FRMPD2: variants seen among roughly 807,000 people sequenced by gnomAD.
The protein encoded by FRMPD2 is FERM and PDZ domain-containing protein 2.
FRMPD2 carries 96 observed loss-of-function variants against 140.1 expected under a neutral mutation model. The observed-to-expected ratio is 0.69, with a 90% confidence interval of 0.58 to 0.81. The LOEUF (loss-of-function observed/expected upper bound fraction) is 0.81. FRMPD2 is among the 40% of genes least tolerant of loss of function. The pLI is 0.00. For synonymous variants in FRMPD2, 449 were observed against 547.6 expected, an observed-to-expected ratio of 0.82 and a Z score of 2.52; for missense variants, 1,240 against 1,447.4, an observed-to-expected ratio of 0.86 and a Z score of 2.32.
intron 3 of FRMPD2, among the ~76,000 whole-genome samples, chr10:48,246,062 C>T (rs1840241348): frequency 6.6e-6 from 1 of 152,162 alleles, no homozygotes; most frequent in African/African-American, 2.4e-5. Flanking sequence ...GATGAACGTG[C>T]ATAGATACCA....
Position 48,168,594 on chromosome 10 carries a change from C to T in FRMPD2, c.3537+1G>A, listed in dbSNP as rs202142204. ...AGAGAGTAGAAGACACTGCAGCCTACCTGCCATTCCTGCTCCAGCTCAGGC... is the reference window on the plus strand; with the variant it reads ...AGAGAGTAGAAGACACTGCAGCCTATCTGCCATTCCTGCTCCAGCTCAGGC... On this transcript the variant is annotated splice_donor_variant, in intron 27 of 28. Transcript: ENST00000374201. LOFTEE classifies it high-confidence loss of function. 3.8e-5 allele frequency: 41 copies of T among 1,086,348 alleles called. 15 individuals are homozygous for T. The highest frequency in any genetic ancestry group is 1.0e-4 in the Admixed American group (5 of 48,900). The allele number at this position is 1,086,348 out of a possible 1,614,324, so 67.3% of individuals were successfully genotyped here. A position where few individuals can be genotyped will look rare whatever the true frequency, so the allele number is the denominator to read the frequency against.
At chr10:48,220,419 C>A (rs1839556469) in intron 12 of FRMPD2, among the ~76,000 whole-genome samples, 1 of 152,144 alleles carries the variant, frequency 6.6e-6, no homozygotes, top group Admixed American at 6.5e-5. Context: ...TCATCTCTCA[C>A]CTTATACAAA....
At chr10:48,250,114 A>G (rs1453940230) in intron 2 of FRMPD2, among the ~76,000 whole-genome samples, 2 of 151,918 alleles carry the variant, frequency 1.3e-5, no homozygotes, top group Non-Finnish European at 2.9e-5. Flanking sequence ...GCCCACACCA[A>G]CCTCCAGAGA....
At chr10:48,208,292 C>T (rs1839246192) in intron 13 of FRMPD2, among the ~76,000 whole-genome samples, 1 of 152,172 alleles carries the variant, frequency 6.6e-6, no homozygotes, top group South Asian at 2.1e-4. Context: ...CTTTGCTAGA[C>T]TTAAACTTCT....
intron 13 of FRMPD2, among the ~76,000 whole-genome samples, chr10:48,209,127 A>G (rs1283252327): frequency 6.6e-6 from 1 of 152,214 alleles, no homozygotes; most frequent in African/African-American, 2.4e-5. Context: ...AAAATTGATT[A>G]TCAGGCAGCC....
chr10:48,238,260 G>C (rs147609741), intron 7 of FRMPD2, 137 bp from the exon 8 acceptor site: 6 of 871,552 alleles, frequency 6.9e-6, no homozygotes, highest in Admixed American at 5.5e-5. Flanking sequence ...ACCTATGGGG[G>C]AGTTATATCC....
At chr10:48,174,080 A>G (rs1838338917) in intron 24 of FRMPD2, among the ~76,000 whole-genome samples, 2 of 152,354 alleles carry the variant, frequency 1.3e-5, no homozygotes, top group African/African-American at 4.8e-5. Context: ...AGTCACTAAT[A>G]TAAGCAAATT....
Position 48,192,722 on chromosome 10 carries a change from G to A in FRMPD2, c.2127C>T (p.Asp709=), listed in dbSNP as rs115963581. Residue 709 remains aspartate, a synonymous_variant, in exon 16 of 29, where the codon GAC becomes GAT. Transcript: ENST00000374201. ...LSTSMDNFNV[D]GSKEAGAEGI... ...CTTCTGCTCCAGCCTCCTTGCTGCC[G>A]TCCACGTTGAAGTTATCCATTGATG... 38 of 1,613,966 alleles carry A rather than the reference G, an allele frequency of 2.4e-5. No homozygotes were observed. Among genetic ancestry groups the A allele is most frequent in the East Asian group, 1.3e-4 (6 of 44,892 alleles).
chr10:48,241,984 T>C lies in FRMPD2; in HGVS notation c.567+177A>G, dbSNP rs1257940358. The C allele has an allele frequency of 1.0e-5, 5 of 478,586 alleles. No individual in the cohort carries two copies. In the Admixed American group the frequency reaches 1.7e-4, roughly 16 times the overall value. The allele number at this position is 478,586 out of a possible 1,614,324, so 29.6% of individuals were successfully genotyped here. On this transcript the variant is annotated intron_variant, in intron 5 of 28. Coordinates refer to ENST00000374201, the MANE Select transcript of FRMPD2 (RefSeq NM_001018071.4). ...TGACAAGAATGTTCTAGATCCACCCTGTTCAATAGGGTCATCACCTGCTAC... is the reference window on the plus strand; with the variant it reads ...TGACAAGAATGTTCTAGATCCACCCCGTTCAATAGGGTCATCACCTGCTAC...
chr10:48,200,193 T>TAAAAAAAAAAAAA (rs879909099), intron 15 of FRMPD2, among the ~76,000 whole-genome samples: 6 of 139,344 alleles, frequency 4.3e-5, no homozygotes, highest in Non-Finnish European at 7.8e-5. Context: ...AATAAATAAA[T>TAAAAAAAAAAAAA]AAATAAAACA....
intron 13 of FRMPD2, among the ~76,000 whole-genome samples, chr10:48,209,025 C>G (rs1394633563): frequency 6.6e-6 from 1 of 152,208 alleles, no homozygotes; most frequent in East Asian, 1.9e-4. Flanking sequence ...AGGACAACCC[C>G]TTCTCATAAT....
At chr10:48,223,355 G>T in intron 10 of FRMPD2, 85 bp from the exon 11 acceptor site, 1 of 1,372,322 alleles carries the variant, frequency 7.3e-7, no homozygotes, top group Non-Finnish European at 9.9e-7. Flanking sequence ...GCCCTACCCA[G>T]AGTGTCACAC....
chr10:48,162,918 TAAAA>T lies in FRMPD2; in HGVS notation c.3881+406_3881+409del, dbSNP rs71023202. Among the ~76,000 whole-genome samples, 106 of 98,944 alleles carry T rather than the reference TAAAA, an allele frequency of 1.1e-3. 1 individual carries two copies. Among genetic ancestry groups the T allele is most frequent in the African/African-American group, 4.0e-3 (98 of 24,698 alleles). The allele number at this position is 98,944 out of a possible 152,430, so 64.9% of individuals were successfully genotyped here. A position where few individuals can be genotyped will look rare whatever the true frequency, so the allele number is the denominator to read the frequency against. ...GGGCAACATAGTAAGACCCCATCTT[TAAAA>T]AAAAAAAAAAAAAAAAAAGCTGATG... On this transcript the variant is annotated intron_variant, in intron 28 of 28. Transcript: ENST00000374201.
chr10:48,202,787 C>T (rs1051548300), intron 14 of FRMPD2, among the ~76,000 whole-genome samples: 3 of 152,108 alleles, frequency 2.0e-5, no homozygotes, highest in African/African-American at 7.2e-5. Context: ...AGATATTAAG[C>T]ATTTTTTATA....
At chr10:48,181,858 CATATATAT>C (rs35165586) in intron 20 of FRMPD2, among the ~76,000 whole-genome samples, 8 of 79,782 alleles carry the variant, frequency 1.0e-4, no homozygotes, top group South Asian at 3.8e-4. Context: ...TATATTCCCT[CATATATAT>C]ATATATATAT....
chr10:48,227,643 T>G (rs1041017246), intron 10 of FRMPD2, among the ~76,000 whole-genome samples: 1 of 152,244 alleles, frequency 6.6e-6, no homozygotes, highest in East Asian at 1.9e-4. Context: ...TGAGTCACAA[T>G]TGAAGTGGTT....
intron 3 of FRMPD2, among the ~76,000 whole-genome samples, chr10:48,246,049 T>G (rs1375058493): frequency 6.6e-6 from 1 of 152,000 alleles, no homozygotes; most frequent in East Asian, 1.9e-4. Flanking sequence ...CTCCCACCCC[T>G]CAGATGAACG....
intron 14 of FRMPD2, among the ~76,000 whole-genome samples, chr10:48,205,659 T>C (rs1839184924): frequency 6.6e-6 from 1 of 152,214 alleles, no homozygotes; most frequent in South Asian, 2.1e-4. Flanking sequence ...TGAATATTGT[T>C]TCATCTGAGT....
chr10:48,185,512 A>G, intron 18 of FRMPD2, 41 bp downstream of exon 18: 1 of 1,435,876 alleles, frequency 7.0e-7, no homozygotes. Context: ...CACTTTGCCC[A>G]GCAGTAGAGA....
Sources: gnomAD v4.1 joint callset for allele counts (sites outside exome capture counted in the v4.1 genomes callset) on GRCh38, gnomAD v4.1.1 for gene constraint, MANE v1.5 for transcripts, NCBI Gene and HGNC (gene_info 2026-07-23, HGNC 2026-07-21) for gene names.